The following RIF1 variants were observed in gnomAD, a reference collection of about 807,000 sequenced individuals.
The protein encoded by RIF1 is replication timing regulatory factor 1, also known as telomere-associated protein RIF1.
Under a neutral mutation model 247.1 loss-of-function variants are expected in RIF1, and 45 were observed. The ratio of observed to expected loss-of-function variants is 0.18; its 90% CI spans 0.14 to 0.23. The LOEUF is 0.23. RIF1 is among the 10% of genes least tolerant of loss of function. RIF1 has a pLI of 1.00. For missense variants in RIF1, 2,967 were observed against 2,862.5 expected (o/e 1.04, Z -0.83); for synonymous variants, 1,087 against 978.8 (o/e 1.11, Z -2.06).
At chr2:151,421,583 G>T (rs1688171568) in intron 7 of RIF1, among the ~76,000 whole-genome samples, 1 of 152,130 alleles carries the variant, frequency 6.6e-6, no homozygotes, top group African/African-American at 2.4e-5. Flanking sequence ...GTCTTGTTTT[G>T]TTTTTTGTTT....
chr2:151,456,016 G>T (rs986757788), intron 22 of RIF1, among the ~76,000 whole-genome samples: 12 of 151,852 alleles, frequency 7.9e-5, no homozygotes, highest in African/African-American at 2.9e-4. Flanking sequence ...TGTCTGAATT[G>T]GTCTCCAAAA....
chr2:151,533,514 C>T, the RIF1 span: 1 of 1,551,042 alleles, frequency 6.4e-7, no homozygotes, highest in Non-Finnish European at 8.7e-7. Flanking sequence ...ATCCATGTTG[C>T]AGAAACATCT....
chr2:151,511,787 G>A (rs943362036), downstream of RIF1, among the ~76,000 whole-genome samples: 40 of 152,314 alleles, frequency 2.6e-4, no homozygotes, highest in African/African-American at 9.1e-4. Context: ...CATGAGGGGA[G>A]TCAGGGGTTA....
At chr2:151,519,688 G>A in the RIF1 span, 1 of 1,612,308 alleles carries the variant, frequency 6.2e-7, no homozygotes. Context: ...CATCTTTCAT[G>A]ACTTTGTAGA....
chr2:151,509,005 T>C (rs2071676924), downstream of RIF1, among the ~76,000 whole-genome samples: 1 of 152,234 alleles, frequency 6.6e-6, no homozygotes, highest in African/African-American at 2.4e-5. Context: ...TTTTTCCCAC[T>C]CTTCAGGGAA....
intron 10 of RIF1, among the ~76,000 whole-genome samples, chr2:151,496,608 T>TGTTA (rs1397155425): frequency 6.6e-6 from 1 of 152,174 alleles, no homozygotes. Context: ...GAGTTATCCA[T>TGTTA]GTTATTTTTT....
intron 25 of RIF1, among the ~76,000 whole-genome samples, chr2:151,459,180 G>C (rs1695720756): frequency 6.6e-6 from 1 of 152,118 alleles, no homozygotes; most frequent in Non-Finnish European, 1.5e-5. Context: ...TGTTGCTTTG[G>C]AAAAACTGGA....
chr2:151,410,600 G>A, intron 2 of RIF1, 73 bp downstream of exon 2: 1 of 1,219,912 alleles, frequency 8.2e-7, no homozygotes, highest in South Asian at 1.3e-5. Flanking sequence ...GTTGGGAGGG[G>A]CGCGTAGAAT....
chr2:151,462,196 G>C (rs746980017), intron 27 of RIF1, 46 bp from the exon 28 acceptor site: 1 of 1,256,912 alleles, frequency 8.0e-7, no homozygotes, highest in Non-Finnish European at 1.1e-6. Flanking sequence ...CTAATTGTAA[G>C]AATATCATCC....
chr2:151,506,447 A>G, intron 13 of RIF1: 1 of 542,772 alleles, frequency 1.8e-6, no homozygotes, highest in Non-Finnish European at 3.2e-6. Flanking sequence ...TACAACATGG[A>G]TCTTTCCAGA....
At chr2:151,410,674 G>A in intron 2 of RIF1, 147 bp downstream of exon 2, 1 of 669,986 alleles carries the variant, frequency 1.5e-6, no homozygotes, top group Middle Eastern at 2.7e-4. Flanking sequence ...CTTGGGGGGC[G>A]GGGGAGATGT....
Position 151,469,835 on chromosome 2 carries a change from A to G in RIF1, c.7066A>G (p.Lys2356Glu). ...TTCTCCAAAAGTGTCCAATGTAAAA[A>G]AGGCTCTCAGAATATATCATGAGCA... ...IRSPKVSNVKKALRIYHEQQV... is the reference protein window; with the variant it reads ...IRSPKVSNVKEALRIYHEQQV... The change falls in exon 34 of 36, where the codon AAG becomes GAG. Residue 2356 changes from lysine (K) to glutamate (E), a missense_variant. By Grantham distance (56) the Lys-to-Glu change is moderately conservative. Coordinates refer to ENST00000444746, the MANE Select transcript of RIF1 (RefSeq NM_018151.5). The G allele has an allele frequency of 6.2e-7, 1 of 1,610,680 alleles. No homozygotes were observed. The highest frequency in any genetic ancestry group is 8.5e-7 in the Non-Finnish European group (1 of 1,178,238).
downstream of RIF1, among the ~76,000 whole-genome samples, chr2:151,510,551 A>AAAAT (rs1159591731): frequency 2.0e-5 from 3 of 152,244 alleles, no homozygotes; most frequent in African/African-American, 7.2e-5. Context: ...ACCTCGGTCA[A>AAAAT]AAATAAGAGT....
At chr2:151,511,712 G>T (rs574571582), downstream of RIF1, among the ~76,000 whole-genome samples, 18 of 152,294 alleles carry the variant, frequency 1.2e-4, no homozygotes, top group Middle Eastern at 3.4e-3. Flanking sequence ...CTATCCCAGG[G>T]TGTGAAGGAT....
At chr2:151,491,731 C>A in intron 9 of RIF1, 2 of 1,598,502 alleles carry the variant, frequency 1.3e-6, no homozygotes, top group Non-Finnish European at 1.7e-6. Context: ...TCTGCTGGAT[C>A]ATAGTCAAAA....
At chr2:151,524,559 G>C in the RIF1 span, 1 of 1,613,058 alleles carries the variant, frequency 6.2e-7, no homozygotes, top group Non-Finnish European at 8.5e-7. Context: ...TTGATGTCTG[G>C]TCGATCAGCC....
chr2:151,519,122 A>G, the RIF1 span: 2 of 1,155,558 alleles, frequency 1.7e-6, no homozygotes, highest in Non-Finnish European at 2.6e-6. Context: ...ATGGAACAGC[A>G]CTAATGGAAA....
At chr2:151,498,890 C>CCAAAA (rs1316133706) in intron 10 of RIF1, among the ~76,000 whole-genome samples, 1 of 75,342 alleles carries the variant, frequency 1.3e-5, no homozygotes, top group South Asian at 3.7e-4. Flanking sequence ...TGATAAGGTG[C>CCAAAA]TAAAAAAAAG....
chr2:151,494,563 A>G (rs2058818566), intron 9 of RIF1, among the ~76,000 whole-genome samples: 1 of 152,108 alleles, frequency 6.6e-6, no homozygotes, highest in African/African-American at 2.4e-5. Flanking sequence ...GATGATCCAA[A>G]CAGGAGTTAC....
Sources: allele counts gnomAD v4.1 joint callset (sites outside exome capture counted in the v4.1 genomes callset), GRCh38; gene constraint gnomAD v4.1.1; transcripts MANE v1.5; gene names NCBI Gene and HGNC (gene_info 2026-07-23, HGNC 2026-07-21).